BCAS2: variants seen among roughly 807,000 people sequenced by gnomAD.
BCAS2 encodes BCAS2 pre-mRNA processing factor.
Under a neutral mutation model 35.3 loss-of-function variants are expected in BCAS2, and 34 were observed. That is an observed-to-expected ratio of 0.96 (90% CI 0.73 to 1.28). BCAS2 has a LOEUF of 1.28. BCAS2 is among the 50% of genes most tolerant of loss of function. The pLI is 0.00. For synonymous variants in BCAS2, 75 were observed against 91.6 expected (o/e 0.82, Z 1.03); for missense variants, 221 against 268.1 (o/e 0.82, Z 1.23).
At chr1:114,575,371 T>C (rs187707566) in intron 4 of BCAS2, among the ~76,000 whole-genome samples, 50 of 150,858 alleles carry the variant, frequency 3.3e-4, no homozygotes, top group Middle Eastern at 3.4e-3. Flanking sequence ...GTATTTTTTT[T>C]TTTTGTAGAA....
At chr1:114,574,695 C>T (rs558313171) in intron 4 of BCAS2, among the ~76,000 whole-genome samples, 1 of 152,268 alleles carries the variant, frequency 6.6e-6, no homozygotes, top group East Asian at 1.9e-4. Flanking sequence ...AGTTTTGTTA[C>T]AATATTATAC....
chr1:114,571,560 C>CCTTTCTTCAACAACCTTCAACTTAAT, intron 4 of BCAS2, among the ~76,000 whole-genome samples: 1 of 151,870 alleles, frequency 6.6e-6, no homozygotes, highest in Non-Finnish European at 1.5e-5. Flanking sequence ...GGTTTCACCA[C>CCTTTCTTCAACAACCTTCAACTTAAT]GTTGTCCAGG....
At chr1:114,576,584 G>T in intron 3 of BCAS2, 104 bp downstream of exon 3, 1 of 949,964 alleles carries the variant, frequency 1.1e-6, no homozygotes, top group South Asian at 1.6e-5. Flanking sequence ...CACCACACCC[G>T]GCCAACACTG....
chr1:114,571,561 G>A (rs952839180), intron 4 of BCAS2, among the ~76,000 whole-genome samples: 8 of 152,168 alleles, frequency 5.3e-5, no homozygotes, highest in South Asian at 2.1e-4. Flanking sequence ...GTTTCACCAC[G>A]TTGTCCAGGC....
Position 114,581,328 on chromosome 1 carries a change from G to C in BCAS2, c.157C>G (p.Leu53Val), listed in dbSNP as rs1379838972. Residue 53 changes from leucine to valine, a missense_variant, in exon 2 of 7, where the codon CTG (leucine) becomes GTG (valine). Coordinates refer to ENST00000369541, the MANE Select transcript of BCAS2 (RefSeq NM_005872.3). Reference sequence around the variant, plus strand: ...AAGGCAGAATAATCCGGGGCTGTCAGGTAGCTCAGGTAGTTCTTAGTAGGT... The same window carrying C: ...AAGGCAGAATAATCCGGGGCTGTCACGTAGCTCAGGTAGTTCTTAGTAGGT... Reference protein sequence around the residue: ...YRPTKNYLSYLTAPDYSAFET... With the variant: ...YRPTKNYLSYVTAPDYSAFET... 6.2e-7 allele frequency: 1 copy of C among 1,614,176 alleles called. No individual in the cohort carries two copies. Among genetic ancestry groups the C allele is most frequent in the Admixed American group, 1.7e-5 (1 of 60,008 alleles).
intron 4 of BCAS2, among the ~76,000 whole-genome samples, chr1:114,572,326 T>C (rs1424443972): frequency 2.0e-5 from 3 of 152,226 alleles, no homozygotes; most frequent in East Asian, 3.8e-4. Context: ...CTGAGCACTA[T>C]TGATTTTAGT....
intron 4 of BCAS2, among the ~76,000 whole-genome samples, chr1:114,571,865 T>G (rs532959833): frequency 3.9e-5 from 6 of 152,198 alleles, no homozygotes; most frequent in African/African-American, 9.6e-5. Context: ...TATTTGCATG[T>G]AACATATGCA....
At chr1:114,577,710 G>C (rs947472025) in intron 2 of BCAS2, among the ~76,000 whole-genome samples, 1 of 151,936 alleles carries the variant, frequency 6.6e-6, no homozygotes, top group Non-Finnish European at 1.5e-5. Flanking sequence ...TCCTCTTTAG[G>C]GCCAACGTCC....
At chr1:114,573,230 A>C (rs1654686218) in intron 4 of BCAS2, among the ~76,000 whole-genome samples, 1 of 150,120 alleles carries the variant, frequency 6.7e-6, no homozygotes, top group South Asian at 2.1e-4. Flanking sequence ...TTTCAATGTC[A>C]TATTTTTTCC....
Position 114,575,685 on chromosome 1 carries a change from G to A in BCAS2, c.324C>T (p.Asn108=). The part of the protein sequence containing the change: ...NDITAWQECV[N]NSMAQLEHQA... ...GATGCTCTAACTGGGCCATAGAATT[G>A]TTTACACATTCTTGCCATGCAGTAA... The change falls in exon 4 of 7, where the codon AAC becomes AAT. Residue 108 remains asparagine (N), a synonymous_variant. Transcript: ENST00000369541. 2.5e-6 allele frequency: 4 copies of A among 1,613,242 alleles called. No homozygotes were observed. Among genetic ancestry groups the A allele is most frequent in the African/African-American group, 1.3e-5 (1 of 74,988 alleles).
chr1:114,574,510 A>G (rs547792452), intron 4 of BCAS2, among the ~76,000 whole-genome samples: 72 of 152,382 alleles, frequency 4.7e-4, no homozygotes, highest in Non-Finnish European at 7.9e-4. Flanking sequence ...AGAGATATGT[A>G]TATGTGTGCA....
At chr1:114,581,223 T>C in intron 2 of BCAS2, 76 bp downstream of exon 2, 2 of 1,476,754 alleles carry the variant, frequency 1.4e-6, no homozygotes, top group Non-Finnish European at 1.9e-6. Context: ...TGGTTAAAAC[T>C]GGAATTTAAA....
chr1:114,576,589 A>T, intron 3 of BCAS2, 99 bp downstream of exon 3: 1 of 1,022,708 alleles, frequency 9.8e-7, no homozygotes, highest in South Asian at 1.5e-5. Flanking sequence ...CACCCGGCCA[A>T]CACTGCCAAT....
At chr1:114,577,865 CA>C (rs1654804261) in intron 2 of BCAS2, among the ~76,000 whole-genome samples, 1 of 152,174 alleles carries the variant, frequency 6.6e-6, no homozygotes, top group Non-Finnish European at 1.5e-5. Flanking sequence ...AAATAAGTAT[CA>C]AAGGCCTTAC....
intron 2 of BCAS2, 29 bp downstream of exon 2, chr1:114,581,270 G>A (rs1259358387): frequency 6.2e-7 from 1 of 1,607,738 alleles, no homozygotes; most frequent in Non-Finnish European, 8.5e-7. Flanking sequence ...AGGAATTCTC[G>A]TTCACACCTA....
Position 114,581,388 on chromosome 1 carries a change from C to A in BCAS2, c.97G>T (p.Ala33Ser). The A allele has an allele frequency of 1.2e-6, 2 of 1,614,130 alleles. No individual in the cohort carries two copies. Among genetic ancestry groups the A allele is most frequent in the Admixed American group, 1.7e-5 (1 of 60,014 alleles). The stretch of plus-strand genomic sequence containing the variant: ...CGAGTTTCCTCCTCCACCAGCGCTG[C>A]AGCCTAAGAAAGAGAATAGGGACCA... ...YEAPGVREAAAALVEEETRRY... is the reference protein window; with the variant it reads ...YEAPGVREAASALVEEETRRY... Residue 33 changes from alanine to serine, a missense_variant, in exon 2 of 7, where the codon GCA (alanine) becomes TCA (serine). Transcript: ENST00000369541.
rs1460124482 is a variant in BCAS2 at position 114,576,759 on chromosome 1, C to T, written c.187-1G>A. On this transcript the variant is annotated splice_acceptor_variant, in intron 2 of 6. Coordinates refer to ENST00000369541, the MANE Select transcript of BCAS2 (RefSeq NM_005872.3). LOFTEE classifies it high-confidence loss of function. ...CAAATTCATTTCTCATTATGTCAGT[C>T]TGATGTGTAAATCAGAAAAAAGATT... The T allele has an allele frequency of 1.5e-5, 24 of 1,607,024 alleles. No homozygotes were observed. The highest frequency in any genetic ancestry group is 1.9e-5 in the Non-Finnish European group (22 of 1,176,792).
rs1475374765 is a variant in BCAS2, at chr1:114,575,204, T to G, written c.419+386A>C. Reference sequence around the variant, plus strand: ...TTCTTTTCTTTTTTTTTTTTTTTTTTTGAGATAGAGTCTCATTCTGTCGCC... The same window carrying G: ...TTCTTTTCTTTTTTTTTTTTTTTTTGTGAGATAGAGTCTCATTCTGTCGCC... On this transcript the variant is annotated intron_variant, in intron 4 of 6. Coordinates refer to ENST00000369541, the MANE Select transcript of BCAS2 (RefSeq NM_005872.3). Among the ~76,000 whole-genome samples the G allele has an allele frequency of 2.0e-5, 3 of 146,584 alleles. No homozygotes were observed. In the East Asian group the frequency reaches 5.9e-4, roughly 29 times the overall value.
At chr1:114,574,470 A>G (rs997449270) in intron 4 of BCAS2, among the ~76,000 whole-genome samples, 1 of 152,204 alleles carries the variant, frequency 6.6e-6, no homozygotes, top group African/African-American at 2.4e-5. Context: ...GGATGAGTTT[A>G]TTTTAGGATT....
Sources: gnomAD v4.1 joint callset for allele counts (sites outside exome capture counted in the v4.1 genomes callset) on GRCh38, gnomAD v4.1.1 for gene constraint, MANE v1.5 for transcripts, NCBI Gene and HGNC (gene_info 2026-07-23, HGNC 2026-07-21) for gene names.